CHN1: variants seen among roughly 807,000 people sequenced by gnomAD.
CHN1 encodes N-chimaerin.
CHN1 carries 37 observed loss-of-function variants against 59.5 expected under a neutral mutation model. The observed-to-expected ratio is 0.62, with a 90% CI of 0.48 to 0.82. The LOEUF (loss-of-function observed/expected upper bound fraction) is 0.82, where lower values mean the gene tolerates loss of function less well. CHN1 is among the 40% of genes least tolerant of loss of function. CHN1 has a pLI of 0.00. For synonymous variants in CHN1, 206 were observed against 200.4 expected, an observed-to-expected ratio of 1.03 and a Z score of -0.24; for missense variants, 469 against 571.0, an observed-to-expected ratio of 0.82 and a Z score of 1.82.
chr2:174,900,173 C>A (rs1688343172), intron 5 of CHN1, among the ~76,000 whole-genome samples: 1 of 152,074 alleles, frequency 6.6e-6, no homozygotes, highest in Non-Finnish European at 1.5e-5. Flanking sequence ...TGTTAACACA[C>A]CATGAAATCT....
intron 7 of CHN1, among the ~76,000 whole-genome samples, chr2:174,824,842 C>T (rs1326930176): frequency 6.6e-6 from 1 of 152,150 alleles, no homozygotes; most frequent in African/African-American, 2.4e-5. Context: ...AACTTCTGAG[C>T]TCAAGCATCT....
At chr2:174,941,932 A>G (rs1434122874) in intron 3 of CHN1, among the ~76,000 whole-genome samples, 2 of 152,194 alleles carry the variant, frequency 1.3e-5, no homozygotes, top group Non-Finnish European at 2.9e-5. Context: ...CAGTATCACT[A>G]AAGATCAGGG....
intron 11 of CHN1, among the ~76,000 whole-genome samples, chr2:174,807,489 TG>T (rs1481406141): frequency 6.7e-6 from 1 of 149,432 alleles, no homozygotes; most frequent in African/African-American, 2.5e-5. Flanking sequence ...TGTGTGTGTG[TG>T]TGTGTGTGTG....
intron 1 of CHN1, among the ~76,000 whole-genome samples, chr2:174,960,962 G>GA (rs1690378115): frequency 6.6e-6 from 1 of 151,060 alleles, no homozygotes; most frequent in Non-Finnish European, 1.5e-5. Flanking sequence ...CTTGTCTCTA[G>GA]AAAAAAGACA....
chr2:174,858,979 TACACACACACAC>T (rs71407155), intron 6 of CHN1, among the ~76,000 whole-genome samples: 19 of 142,510 alleles, frequency 1.3e-4, no homozygotes, highest in East Asian at 6.1e-4. Flanking sequence ...TTTCCTCCTC[TACACACACACAC>T]ACACACACAC....
intron 3 of CHN1, among the ~76,000 whole-genome samples, chr2:174,928,741 C>G (rs757999305): frequency 1.3e-5 from 2 of 152,140 alleles, no homozygotes; most frequent in Non-Finnish European, 2.9e-5. Flanking sequence ...ATCAGATAAC[C>G]TGAGAAAATG....
chr2:175,004,777 C>G, intron 1 of CHN1, 117 bp downstream of exon 1: 1 of 411,884 alleles, frequency 2.4e-6, no homozygotes, highest in Non-Finnish European at 3.3e-6. Context: ...CGGCCCCGGC[C>G]CGCCCCGACC....
intron 1 of CHN1, among the ~76,000 whole-genome samples, chr2:174,996,859 G>A (rs1691727336): frequency 6.6e-6 from 1 of 152,082 alleles, no homozygotes; most frequent in African/African-American, 2.4e-5. Flanking sequence ...TTCAAAGCCT[G>A]CTCCATGAGG....
At chr2:174,917,303 G>A (rs1392213460) in intron 4 of CHN1, among the ~76,000 whole-genome samples, 1 of 151,764 alleles carries the variant, frequency 6.6e-6, no homozygotes, top group Admixed American at 6.6e-5. Context: ...GCATAGTGGC[G>A]GGCACCTGTA....
At chr2:175,004,831 C>T in intron 1 of CHN1, 63 bp downstream of exon 1, 1 of 1,195,852 alleles carries the variant, frequency 8.4e-7, no homozygotes, top group Non-Finnish European at 1.1e-6. Flanking sequence ...CCCCCCAGGC[C>T]CCCGCCCCCG....
At chr2:174,926,109 C>G (rs572649898) in intron 3 of CHN1, among the ~76,000 whole-genome samples, 1 of 152,102 alleles carries the variant, frequency 6.6e-6, no homozygotes, top group East Asian at 1.9e-4. Context: ...AATAACTGAA[C>G]AGCAGATCAA....
At chr2:174,997,469 G>T (rs992651656) in intron 1 of CHN1, among the ~76,000 whole-genome samples, 1 of 152,140 alleles carries the variant, frequency 6.6e-6, no homozygotes, top group African/African-American at 2.4e-5. Context: ...CATGCTAAAA[G>T]AATGTACTTA....
chr2:174,852,905 A>G (rs886091142), intron 6 of CHN1, among the ~76,000 whole-genome samples: 2 of 152,236 alleles, frequency 1.3e-5, no homozygotes, highest in African/African-American at 4.8e-5. Flanking sequence ...AGTCATATGC[A>G]GAAGAATGAA....
chr2:174,847,340 T>C, intron 6 of CHN1: 1 of 1,299,684 alleles, frequency 7.7e-7, no homozygotes, highest in South Asian at 2.7e-5. Flanking sequence ...TTCCTTTTTT[T>C]TTCTTAAAGG....
intron 6 of CHN1, among the ~76,000 whole-genome samples, chr2:174,849,082 A>G (rs1399140296): frequency 1.3e-5 from 2 of 152,312 alleles, no homozygotes; most frequent in Non-Finnish European, 2.9e-5. Flanking sequence ...TTCTTCAACA[A>G]TATTTGATAT....
chr2:174,973,398 A>C (rs1315331443), intron 1 of CHN1, among the ~76,000 whole-genome samples: 1 of 152,194 alleles, frequency 6.6e-6, no homozygotes, highest in African/African-American at 2.4e-5. Context: ...CCCATTCACA[A>C]AACACGGTTT....
chr2:174,972,174 T>C (rs1242994697), intron 1 of CHN1, among the ~76,000 whole-genome samples: 3 of 152,220 alleles, frequency 2.0e-5, no homozygotes, highest in African/African-American at 7.2e-5. Flanking sequence ...GGTTTCCTTG[T>C]AGCTCAAGCT....
At chr2:174,895,044 C>T (rs568513427) in intron 5 of CHN1, among the ~76,000 whole-genome samples, 35 of 123,316 alleles carry the variant, frequency 2.8e-4, no homozygotes, top group East Asian at 1.4e-3. Flanking sequence ...CACACACACA[C>T]GCGCGCACAC....
Position 174,800,206 on chromosome 2 carries a change from T to C in CHN1, c.1290A>G (p.Pro430=). The change falls in exon 13 of 13, where the codon CCA becomes CCG. Residue 430 remains proline (P), a synonymous_variant. Coordinates refer to ENST00000409900, the MANE Select transcript of CHN1 (RefSeq NM_001822.7). The part of the protein sequence containing the change: ...IVFGPTLMRS[P]ELDAMAALND... Reference sequence around the variant, plus strand: ...TCAATGCAGCCATGGCGTCTAGTTCTGGAGATCTCATAAGGGTGGGTCCAA... The same window carrying C: ...TCAATGCAGCCATGGCGTCTAGTTCCGGAGATCTCATAAGGGTGGGTCCAA... The C allele has an allele frequency of 6.6e-7, 1 of 1,521,630 alleles. No homozygotes were observed. Among genetic ancestry groups the C allele is most frequent in the South Asian group, 1.4e-5 (1 of 72,116 alleles). The allele number at this position is 1,521,630 out of a possible 1,614,324, so 94.3% of individuals were successfully genotyped here.
Sources: allele counts gnomAD v4.1 joint callset (sites outside exome capture counted in the v4.1 genomes callset), GRCh38; gene constraint gnomAD v4.1.1; transcripts MANE v1.5; gene names NCBI Gene and HGNC (gene_info 2026-07-23, HGNC 2026-07-21).